CD36: variants seen among roughly 807,000 people sequenced by gnomAD.
CD36 encodes CD36 molecule (CD36 blood group).
CD36 carries 119 observed loss-of-function variants against 55.2 expected under a neutral mutation model. That is an observed-to-expected ratio of 2.15 (90% CI 1.86 to 2.51). CD36 has a LOEUF of 2.51. Among genes scored for constraint, CD36 ranks in the 30% most tolerant of loss-of-function variants. CD36 has a pLI of 0.00. For synonymous variants in CD36, 186 were observed against 193.6 expected (o/e 0.96, Z 0.33); for missense variants, 819 against 555.5 (o/e 1.47, Z -4.77).
chr7:80,606,018 G>C (rs1792530025), intron 1 of CD36, among the ~76,000 whole-genome samples: 1 of 152,142 alleles, frequency 6.6e-6, no homozygotes, highest in African/African-American at 2.4e-5. Context: ...ACTTGTGTTA[G>C]TAACAGCAAT....
At chr7:80,615,684 T>C (rs1793110441) in intron 1 of CD36, among the ~76,000 whole-genome samples, 1 of 152,214 alleles carries the variant, frequency 6.6e-6, no homozygotes, top group Non-Finnish European at 1.5e-5. Flanking sequence ...ATAAGTTAGT[T>C]CTTTAGTACG....
At chr7:80,626,923 T>A (rs2116002567) in intron 1 of CD36, among the ~76,000 whole-genome samples, 1 of 152,186 alleles carries the variant, frequency 6.6e-6, no homozygotes, top group South Asian at 2.1e-4. Context: ...ATCTTCTCTG[T>A]ACCTCTTCAT....
At chr7:80,632,484 A>G (rs1459046668) in intron 1 of CD36, among the ~76,000 whole-genome samples, 2 of 152,032 alleles carry the variant, frequency 1.3e-5, no homozygotes, top group Non-Finnish European at 2.9e-5. Flanking sequence ...AGTGTTCTGT[A>G]TCTTTAAACT....
chr7:80,619,076 T>C (rs1027541247), intron 1 of CD36, among the ~76,000 whole-genome samples: 7 of 152,176 alleles, frequency 4.6e-5, no homozygotes, highest in African/African-American at 1.7e-4. Flanking sequence ...AAATCAATGC[T>C]TACAACCATT....
chr7:80,673,388 G>C lies in CD36; in HGVS notation c.1233G>C (p.Val411=). The C allele has an allele frequency of 6.4e-7, 1 of 1,570,130 alleles. No individual in the cohort carries two copies. The highest frequency in any genetic ancestry group is 1.7e-5 in the Admixed American group (1 of 59,854). The change falls in exon 13 of 15, where the codon GTG becomes GTC. Residue 411 remains valine (V), a synonymous_variant. Coordinates refer to ENST00000447544, the MANE Select transcript of CD36 (RefSeq NM_001001548.3). ...AGAATCTGAAGAGGAACTATATTGT[G>C]CCTATTCTTTGGCTTAATGAGGTTT... The part of the protein sequence containing the change: ...VLKNLKRNYI[V]PILWLNETGT...
chr7:80,612,269 G>C (rs974003016), intron 1 of CD36, among the ~76,000 whole-genome samples: 18 of 152,140 alleles, frequency 1.2e-4, no homozygotes, highest in African/African-American at 4.1e-4. Context: ...TATCATTCCT[G>C]TTATGCTAGC....
At chr7:80,673,311 ATATT>A in intron 12 of CD36, 40 bp from the exon 13 acceptor site, 1 of 868,684 alleles carries the variant, frequency 1.2e-6, no homozygotes, top group Admixed American at 2.0e-5. Flanking sequence ...TTATATATAA[ATATT>A]AGTTTATATG....
At chr7:80,639,005 T>G (rs1049805785) in intron 1 of CD36, among the ~76,000 whole-genome samples, 5 of 152,006 alleles carry the variant, frequency 3.3e-5, no homozygotes, top group Admixed American at 2.6e-4. Flanking sequence ...AAGTTAATAT[T>G]TAAAGTGATT....
At chr7:80,671,191 T>G (rs770295102) in intron 10 of CD36, 27 bp downstream of exon 10, 3 of 1,452,124 alleles carry the variant, frequency 2.1e-6, no homozygotes, top group Middle Eastern at 3.5e-4. Flanking sequence ...AGTAGCACAG[T>G]CCATACCATA....
At chr7:80,637,694 A>G (rs1445677731), upstream of CD36, among the ~76,000 whole-genome samples, 1 of 151,964 alleles carries the variant, frequency 6.6e-6, no homozygotes, top group African/African-American at 2.4e-5. Flanking sequence ...CTAATGAACT[A>G]AATATATTTC....
intron 12 of CD36, 49 bp from the exon 13 acceptor site, chr7:80,673,306 T>C (rs1056902763): frequency 2.4e-6 from 2 of 839,026 alleles, no homozygotes; most frequent in Non-Finnish European, 3.9e-6. Flanking sequence ...GTTTGTTATA[T>C]ATAAATATTA....
At chr7:80,674,512 T>C (rs1350250264) in intron 14 of CD36, 2 of 255,712 alleles carry the variant, frequency 7.8e-6, no homozygotes, top group Non-Finnish European at 1.5e-5. Flanking sequence ...AAGACCAGGA[T>C]TGCTGCATGT....
At chr7:80,659,901 C>T (rs1334120277) in intron 4 of CD36, among the ~76,000 whole-genome samples, 1 of 151,932 alleles carries the variant, frequency 6.6e-6, no homozygotes, top group Non-Finnish European at 1.5e-5. Context: ...ATATTTCTAG[C>T]CAACTTTGAA....
intron 8 of CD36, among the ~76,000 whole-genome samples, chr7:80,668,446 A>T (rs3211929): frequency 1.3e-5 from 2 of 152,196 alleles, no homozygotes; most frequent in African/African-American, 2.4e-5. Context: ...ATGTGTTTTC[A>T]TCGTAATTTA....
chr7:80,628,901 A>C (rs1403115418), intron 1 of CD36, among the ~76,000 whole-genome samples: 1 of 152,058 alleles, frequency 6.6e-6, no homozygotes, highest in Non-Finnish European at 1.5e-5. Flanking sequence ...ATAAGATACA[A>C]ATGGTTGCAC....
Position 80,670,439 on chromosome 7 carries a change from T to C in CD36, c.818+417T>C, listed in dbSNP as rs150216937. On this transcript the variant is annotated intron_variant, in intron 9 of 14. Transcript: ENST00000447544. ...TCTGTCCCTAAAGACTGTATGCTTG[T>C]GGGTAGGCATTTAACATCTCTGAAT... 451 of 230,564 alleles carry C rather than the reference T, an allele frequency of 2.0e-3. 1 individual carries two copies. The highest frequency in any genetic ancestry group is 3.4e-3 in the Non-Finnish European group (391 of 116,628). The allele number at this position is 230,564 out of a possible 1,614,324, so 14.3% of individuals were successfully genotyped here. A position where few individuals can be genotyped will look rare whatever the true frequency, so the allele number is the denominator to read the frequency against.
intron 14 of CD36, among the ~76,000 whole-genome samples, chr7:80,675,783 G>A (rs1002297516): frequency 1.3e-5 from 2 of 152,148 alleles, no homozygotes; most frequent in Non-Finnish European, 2.9e-5. Flanking sequence ...GTAGCAAAGT[G>A]TAAGACGGTG....
At chr7:80,642,878 C>T (rs1213778588) in intron 1 of CD36, among the ~76,000 whole-genome samples, 6 of 152,158 alleles carry the variant, frequency 3.9e-5, no homozygotes, top group Non-Finnish European at 8.8e-5. Context: ...TGAGAACTGT[C>T]TAACCATAGA....
chr7:80,636,057 C>T (rs933976345), upstream of CD36, among the ~76,000 whole-genome samples: 1 of 152,056 alleles, frequency 6.6e-6, no homozygotes, highest in Admixed American at 6.6e-5. Flanking sequence ...GACAAGCATC[C>T]CCCTCTGCAA....
Sources: allele counts gnomAD v4.1 joint callset (sites outside exome capture counted in the v4.1 genomes callset), GRCh38; gene constraint gnomAD v4.1.1; transcripts MANE v1.5; gene names NCBI Gene and HGNC (gene_info 2026-07-23, HGNC 2026-07-21).